The following SPCS3 variants were observed in gnomAD, a reference collection of about 807,000 sequenced individuals.
SPCS3 encodes SPase 22 kDa subunit.
SPCS3 carries 9 observed loss-of-function variants against 17.2 expected under a neutral mutation model. The ratio of observed to expected loss-of-function variants is 0.52; its 90% confidence interval spans 0.31 to 0.91. The LOEUF is 0.91. Ranked by LOEUF, SPCS3 falls within the 40% of genes least tolerant of loss-of-function variation. The pLI is 0.04. For missense variants in SPCS3, 139 were observed against 217.5 expected, an observed-to-expected ratio of 0.64 and a Z score of 2.27; for synonymous variants, 87 against 89.6, an observed-to-expected ratio of 0.97 and a Z score of 0.16.
At position 176,324,180 on chromosome 4, in the gene SPCS3, C is replaced by A; in HGVS notation, c.218-1C>A. ...ATTTATATTTTCCTTAATTTACTTA[C>A]ATCTAGAGAATATATTTGATTGGAA... On this transcript the variant is annotated splice_acceptor_variant, in intron 2 of 4. Transcript: ENST00000503362. LOFTEE classifies it high-confidence loss of function. 2 of 1,143,844 alleles carry A rather than the reference C, an allele frequency of 1.7e-6. No individual in the cohort carries two copies. The highest frequency in any genetic ancestry group is 1.6e-5 in the South Asian group (1 of 64,368). 70.9% of individuals were successfully genotyped at this position (1,143,844 alleles called of 1,614,324 possible).
intron 2 of SPCS3, among the ~76,000 whole-genome samples, chr4:176,322,589 A>C (rs551560079): frequency 6.6e-6 from 1 of 152,310 alleles, no homozygotes; most frequent in East Asian, 1.9e-4. Context: ...CTGCCTGTGA[A>C]TATTTCATGT....
At chr4:176,327,125 CT>C (rs1731617750) in intron 3 of SPCS3, 36 bp from the exon 4 acceptor site, 4 of 1,219,646 alleles carry the variant, frequency 3.3e-6, no homozygotes, top group Admixed American at 5.4e-5. Flanking sequence ...GATGGTATTT[CT>C]GATGAGTTAT....
intron 4 of SPCS3, 123 bp from the exon 5 acceptor site, chr4:176,328,075 T>C: frequency 1.1e-6 from 1 of 878,166 alleles, no homozygotes; most frequent in Non-Finnish European, 1.7e-6. Context: ...GATTAACATA[T>C]TAGGATTTCT....
chr4:176,324,132 TA>T, intron 2 of SPCS3, 48 bp from the exon 3 acceptor site: 1 of 925,210 alleles, frequency 1.1e-6, no homozygotes. Context: ...AAGATCTATT[TA>T]AAAGTGATAT....
At chr4:176,327,406 T>C (rs1731621680) in intron 4 of SPCS3, 129 bp downstream of exon 4, 2 of 537,102 alleles carry the variant, frequency 3.7e-6, no homozygotes, top group Admixed American at 3.6e-5. Flanking sequence ...TTTATGCATA[T>C]CTGAACTGAA....
Position 176,328,422 on chromosome 4 carries a change from T to C in SPCS3, c.*92T>C. On this transcript the variant is annotated 3_prime_UTR_variant, in exon 5 of 5. Transcript: ENST00000503362. ...TACATCTTCATGTATTGTTGGTTTG[T>C]TTTTTGGTTTTGGGTTTTTTTTTTT... 1 of 1,128,098 alleles carries C rather than the reference T, an allele frequency of 8.9e-7. No individual in the cohort carries two copies. Among genetic ancestry groups the C allele is most frequent in the Non-Finnish European group, 1.1e-6 (1 of 873,946 alleles). The allele number at this position is 1,128,098 out of a possible 1,614,324, so 69.9% of individuals were successfully genotyped here.
intron 2 of SPCS3, among the ~76,000 whole-genome samples, chr4:176,322,800 G>T (rs1731555467): frequency 6.6e-6 from 1 of 152,034 alleles, no homozygotes; most frequent in Admixed American, 6.5e-5. Flanking sequence ...TTCTTTGGTG[G>T]TGATATTTAA....
intron 1 of SPCS3, chr4:176,320,490 G>A: frequency 4.7e-6 from 1 of 211,968 alleles, no homozygotes; most frequent in Non-Finnish European, 9.2e-6. Flanking sequence ...CGGTGCCTCC[G>A]CTTGCTTCCT....
chr4:176,327,285 A>G lies in SPCS3; in HGVS notation c.410+8A>G. On this transcript the variant is annotated splice_region_variant and intron_variant, in intron 4 of 4. Coordinates refer to ENST00000503362, the MANE Select transcript of SPCS3 (RefSeq NM_021928.4). ...CGATGGAAATGGTCTCAAGTGAGCA[A>G]TTCTTGGTCATTTTTTTACATTTAA... 4.8e-6 allele frequency: 7 copies of G among 1,463,714 alleles called. No homozygotes were observed. The highest frequency in any genetic ancestry group is 2.4e-5 in the East Asian group (1 of 41,552). 90.7% of individuals were successfully genotyped at this position (1,463,714 alleles called of 1,614,324 possible). A position where few individuals can be genotyped will look rare whatever the true frequency, so the allele number is the denominator to read the frequency against.
Position 176,328,290 on chromosome 4 carries a change from TC to T in SPCS3, c.506del (p.Pro169HisfsTer8). ...GTGACAGGATCAGGACACGTATCTG[TC>T]CCATTTCCAGATACATATGAAATAA... ...PLVTGSGHVSVPFPDTYEITK... is the reference protein window; with the variant it reads ...PLVTGSGHVSXPFPDTYEITK... On this transcript the variant is annotated frameshift_variant, in exon 5 of 5. Coordinates refer to ENST00000503362, the MANE Select transcript of SPCS3 (RefSeq NM_021928.4). LOFTEE classifies it high-confidence loss of function. 1 of 1,610,268 alleles carries T rather than the reference TC, an allele frequency of 6.2e-7. No individual in the cohort carries two copies. The highest frequency in any genetic ancestry group is 8.5e-7 in the Non-Finnish European group (1 of 1,178,250).
chr4:176,330,605 C>T lies in SPCS3; in HGVS notation c.*2275C>T, dbSNP rs549719182. ...AATGCTCCAACATGGGAATAAGGAC[C>T]TTCAGTCTCAGGAACTCATTTTTGG... On this transcript the variant is annotated 3_prime_UTR_variant, in exon 5 of 5. Coordinates refer to ENST00000503362, the MANE Select transcript of SPCS3 (RefSeq NM_021928.4). 6.6e-6 allele frequency: 1 copy of T among 152,182 alleles called. No individual in the cohort carries two copies. Among genetic ancestry groups the T allele is most frequent in the Non-Finnish European group, 1.5e-5 (1 of 68,028 alleles). The allele number at this position is 152,182 out of a possible 1,614,324, so 9.4% of individuals were successfully genotyped here.
chr4:176,327,716 A>G (rs1731626698), intron 4 of SPCS3, among the ~76,000 whole-genome samples: 1 of 152,188 alleles, frequency 6.6e-6, no homozygotes, highest in Non-Finnish European at 1.5e-5. Context: ...CTCTCAGGTT[A>G]TTTTTACCTC....
chr4:176,326,724 ATTGGCTC>A (rs1731612371), intron 3 of SPCS3, among the ~76,000 whole-genome samples: 1 of 152,208 alleles, frequency 6.6e-6, no homozygotes, highest in African/African-American at 2.4e-5. Flanking sequence ...TGGAACAGGG[ATTGGCTC>A]TTGTCTGTTT....
chr4:176,323,259 T>C (rs192127579), intron 2 of SPCS3, among the ~76,000 whole-genome samples: 18 of 152,278 alleles, frequency 1.2e-4, no homozygotes, highest in African/African-American at 4.1e-4. Flanking sequence ...TTAGGTCTAC[T>C]GTGAGGGTAG....
Position 176,329,631 on chromosome 4 carries a change from G to T in SPCS3, c.*1301G>T, listed in dbSNP as rs779746119. On this transcript the variant is annotated 3_prime_UTR_variant, in exon 5 of 5. Coordinates refer to ENST00000503362, the MANE Select transcript of SPCS3 (RefSeq NM_021928.4). ...AAAGCATAAGGAAATCTACATGTAT[G>T]TAAAAATAACTTAGAAATTCAGTAC... The T allele has an allele frequency of 1.3e-5, 2 of 151,750 alleles. No homozygotes were observed. Among genetic ancestry groups the T allele is most frequent in the Non-Finnish European group, 2.9e-5 (2 of 67,924 alleles). 9.4% of individuals were successfully genotyped at this position (151,750 alleles called of 1,614,324 possible).
Position 176,331,072 on chromosome 4 carries a change from C to T in SPCS3, c.*2742C>T, listed in dbSNP as rs992796613. The T allele has an allele frequency of 3.3e-5, 5 of 151,984 alleles. No individual in the cohort carries two copies. Among genetic ancestry groups the T allele is most frequent in the Admixed American group, 1.3e-4 (2 of 15,256 alleles). 9.4% of individuals were successfully genotyped at this position (151,984 alleles called of 1,614,324 possible). On this transcript the variant is annotated 3_prime_UTR_variant, in exon 5 of 5. Coordinates refer to ENST00000503362, the MANE Select transcript of SPCS3 (RefSeq NM_021928.4). The stretch of plus-strand genomic sequence containing the variant: ...TATTTTACAGTTCTTTGGTGGGTCT[C>T]GTCAGCCAATTCATAGCTGGGCTTT...
rs1258055827 is a variant in SPCS3, at chr4:176,330,575, A to G, written c.*2245A>G. 6.6e-6 allele frequency: 1 copy of G among 152,216 alleles called. No individual in the cohort carries two copies. The highest frequency in any genetic ancestry group is 2.4e-5 in the African/African-American group (1 of 41,456). 9.4% of individuals were successfully genotyped at this position (152,216 alleles called of 1,614,324 possible). ...GCTTGACTAAGGGAAATTGCTCAGA[A>G]AAAGAATGCTCCAACATGGGAATAA... On this transcript the variant is annotated 3_prime_UTR_variant, in exon 5 of 5. Coordinates refer to ENST00000503362, the MANE Select transcript of SPCS3 (RefSeq NM_021928.4).
Position 176,323,846 on chromosome 4 carries a change from CTTTT to C in SPCS3, c.218-324_218-321del, listed in dbSNP as rs1224705437. On this transcript the variant is annotated intron_variant, in intron 2 of 4. Coordinates refer to ENST00000503362, the MANE Select transcript of SPCS3 (RefSeq NM_021928.4). ...GTATTTGCTTGAAATATCGAGTCCT[CTTTT>C]TTTTTTTTTTAACTTAGTTGATGTT... Among the ~76,000 whole-genome samples, 3 of 140,094 alleles carry C rather than the reference CTTTT, an allele frequency of 2.1e-5. No homozygotes were observed. In the South Asian group the frequency reaches 6.7e-4, roughly 31 times the overall value. 91.9% of individuals were successfully genotyped at this position (140,094 alleles called of 152,430 possible). A position where few individuals can be genotyped will look rare whatever the true frequency, so the allele number is the denominator to read the frequency against.
chr4:176,328,379 C>A lies in SPCS3; in HGVS notation c.*49C>A. 7.4e-7 allele frequency: 1 copy of A among 1,358,486 alleles called. No homozygotes were observed. Among genetic ancestry groups the A allele is most frequent in the Admixed American group, 2.5e-5 (1 of 39,422 alleles). The allele number at this position is 1,358,486 out of a possible 1,614,324, so 84.2% of individuals were successfully genotyped here. A position where few individuals can be genotyped will look rare whatever the true frequency, so the allele number is the denominator to read the frequency against. ...TATTTTTATACTTAATGAATTGTAT[C>A]TCATTAATCTCTTCCCTTACATCTT... On this transcript the variant is annotated 3_prime_UTR_variant, in exon 5 of 5. Transcript: ENST00000503362.
Sources: allele counts gnomAD v4.1 joint callset (sites outside exome capture counted in the v4.1 genomes callset), GRCh38; gene constraint gnomAD v4.1.1; transcripts MANE v1.5; gene names NCBI Gene and HGNC (gene_info 2026-07-23, HGNC 2026-07-21).